Variants in PTPRD observed in about 807,000 individuals in gnomAD.
The protein encoded by PTPRD is receptor-type tyrosine-protein phosphatase delta.
Under a neutral mutation model 214.5 loss-of-function variants are expected in PTPRD, and 34 were observed. That is an observed-to-expected ratio of 0.16 (90% CI 0.12 to 0.21). The LOEUF is 0.21. Among genes scored for constraint, PTPRD ranks in the 10% least tolerant of loss-of-function variants. The pLI is 1.00. For missense variants in PTPRD, 2,545 were observed against 2,398.7 expected (o/e 1.06, Z -1.27); for synonymous variants, 1,128 against 845.7 (o/e 1.33, Z -5.79).
intron 3 of PTPRD, among the ~76,000 whole-genome samples, chr9:10,289,325 T>C (rs2095461717): frequency 6.6e-6 from 1 of 152,224 alleles, no homozygotes; most frequent in Non-Finnish European, 1.5e-5. Flanking sequence ...TTGTTTCTTA[T>C]GTGTTTTTCA....
At chr9:8,942,316 T>TA (rs1010460937) in intron 11 of PTPRD, among the ~76,000 whole-genome samples, 8 of 152,330 alleles carry the variant, frequency 5.3e-5, no homozygotes, top group East Asian at 1.9e-4. Context: ...TGTTCTAAAA[T>TA]AAAAAACATG....
At chr9:10,531,571 G>C (rs552809609) in intron 2 of PTPRD, among the ~76,000 whole-genome samples, 1 of 152,280 alleles carries the variant, frequency 6.6e-6, no homozygotes, top group East Asian at 1.9e-4. Flanking sequence ...CATGAGTGTT[G>C]GAAGAATTGT....
intron 7 of PTPRD, among the ~76,000 whole-genome samples, chr9:9,577,776 T>C (rs1439021730): frequency 2.0e-5 from 3 of 151,980 alleles, no homozygotes. Flanking sequence ...CCGGGCACGG[T>C]GGCTCACGCC....
intron 11 of PTPRD, among the ~76,000 whole-genome samples, chr9:8,982,167 A>G (rs1168143044): frequency 6.6e-6 from 1 of 152,028 alleles, no homozygotes; most frequent in Non-Finnish European, 1.5e-5. Context: ...TTACTACACA[A>G]TTATCAAATT....
intron 11 of PTPRD, among the ~76,000 whole-genome samples, chr9:9,018,242 T>C (rs1424557268): frequency 6.6e-6 from 1 of 152,152 alleles, no homozygotes; most frequent in African/African-American, 2.4e-5. Context: ...AACAGAATCA[T>C]GGTTCCACAC....
chr9:10,348,189 G>A (rs1390133838), intron 2 of PTPRD, among the ~76,000 whole-genome samples: 1 of 152,092 alleles, frequency 6.6e-6, no homozygotes, highest in Non-Finnish European at 1.5e-5. Context: ...CTCCTTCCCA[G>A]TTATCCTTCC....
chr9:9,445,920 T>C (rs957696770), intron 8 of PTPRD, among the ~76,000 whole-genome samples: 1 of 152,168 alleles, frequency 6.6e-6, no homozygotes, highest in African/African-American at 2.4e-5. Context: ...AATGGTTCCT[T>C]AGCACAGTTG....
intron 8 of PTPRD, among the ~76,000 whole-genome samples, chr9:9,475,595 C>T (rs2094964956): frequency 6.6e-6 from 1 of 152,154 alleles, no homozygotes; most frequent in African/African-American, 2.4e-5. Context: ...TTGCTCTTCT[C>T]TGTGTTGGAT....
At chr9:8,554,207 A>AAAACC (rs564060313) in intron 14 of PTPRD, among the ~76,000 whole-genome samples, 19 of 152,054 alleles carry the variant, frequency 1.2e-4, no homozygotes, top group African/African-American at 4.6e-4. Flanking sequence ...AAAACAAAAC[A>AAAACC]AAACCCACAG....
chr9:10,237,081 G>A (rs1457491193), intron 3 of PTPRD, among the ~76,000 whole-genome samples: 1 of 151,688 alleles, frequency 6.6e-6, no homozygotes, highest in African/African-American at 2.4e-5. Flanking sequence ...TGTAAACTAT[G>A]GTATTTGGAT....
chr9:8,323,999 G>C (rs1393328496), intron 44 of PTPRD, among the ~76,000 whole-genome samples: 3 of 151,884 alleles, frequency 2.0e-5, no homozygotes, highest in African/African-American at 7.3e-5. Flanking sequence ...TCACCCTTCA[G>C]AAACCACCGC....
intron 10 of PTPRD, among the ~76,000 whole-genome samples, chr9:9,142,449 T>C (rs2099862099): frequency 6.6e-6 from 1 of 152,246 alleles, no homozygotes; most frequent in South Asian, 2.1e-4. Context: ...GACGGGTAAG[T>C]GGTTGCCATC....
intron 7 of PTPRD, among the ~76,000 whole-genome samples, chr9:9,603,462 A>T (rs1188856448): frequency 1.3e-5 from 2 of 152,148 alleles, no homozygotes; most frequent in African/African-American, 2.4e-5. Context: ...GAGGTCCCCA[A>T]CCCTAAGGAC....
chr9:8,759,077 C>G (rs2094227528), intron 11 of PTPRD, among the ~76,000 whole-genome samples: 1 of 151,668 alleles, frequency 6.6e-6, no homozygotes, highest in Non-Finnish European at 1.5e-5. Context: ...GTCACCCAGG[C>G]TGGAGTACAG....
At chr9:8,549,701 C>T (rs191005993) in intron 14 of PTPRD, among the ~76,000 whole-genome samples, 1 of 152,110 alleles carries the variant, frequency 6.6e-6, no homozygotes, top group Admixed American at 6.6e-5. Context: ...AAGATATAAA[C>T]CCCAAGGGAA....
At chr9:8,532,938 A>G (rs1376356207) in intron 14 of PTPRD, among the ~76,000 whole-genome samples, 1 of 152,028 alleles carries the variant, frequency 6.6e-6, no homozygotes, top group Non-Finnish European at 1.5e-5. Context: ...TTCCAGAGTT[A>G]ACTTCCCATT....
chr9:10,551,954 C>T (rs189860107), intron 2 of PTPRD, among the ~76,000 whole-genome samples: 50 of 152,256 alleles, frequency 3.3e-4, no homozygotes, highest in African/African-American at 1.2e-3. Context: ...TCCACTCAGT[C>T]GAATTTTCTA....
chr9:10,584,642 T>G (rs2073301412), intron 2 of PTPRD, among the ~76,000 whole-genome samples: 1 of 152,184 alleles, frequency 6.6e-6, no homozygotes. Flanking sequence ...GATATCTTCC[T>G]GTTTAAACTA....
chr9:8,983,005 T>A (rs2099321275), intron 11 of PTPRD, among the ~76,000 whole-genome samples: 1 of 152,054 alleles, frequency 6.6e-6, no homozygotes, highest in Non-Finnish European at 1.5e-5. Context: ...TAACAATGAG[T>A]TGAATCATAC....
Sources: gnomAD v4.1 joint callset for allele counts (sites outside exome capture counted in the v4.1 genomes callset) on GRCh38, gnomAD v4.1.1 for gene constraint, MANE v1.5 for transcripts, NCBI Gene and HGNC (gene_info 2026-07-23, HGNC 2026-07-21) for gene names.